The following PLEKHH2 variants were observed in gnomAD, a reference collection of about 807,000 sequenced individuals.
The protein encoded by PLEKHH2 is pleckstrin homology domain-containing family H member 2.
Under a neutral mutation model 187.9 loss-of-function variants are expected in PLEKHH2, and 129 were observed. That is an observed-to-expected ratio of 0.69 (90% CI 0.59 to 0.79). PLEKHH2 has a LOEUF of 0.79. PLEKHH2 is among the 30% of genes least tolerant of loss of function. The pLI is 0.00. For synonymous variants in PLEKHH2, 686 were observed against 605.6 expected, an observed-to-expected ratio of 1.13 and a Z score of -1.95; for missense variants, 2,076 against 1,751.2, an observed-to-expected ratio of 1.19 and a Z score of -3.31.
At chr2:43,655,877 G>A (rs1462575083) in intron 2 of PLEKHH2, among the ~76,000 whole-genome samples, 1 of 151,902 alleles carries the variant, frequency 6.6e-6, no homozygotes, top group Middle Eastern at 3.2e-3. Context: ...CACATTCTTT[G>A]TTCAGAAAAA....
At chr2:43,710,962 A>G (rs1669936171) in intron 14 of PLEKHH2, 1 of 1,006,968 alleles carries the variant, frequency 9.9e-7, no homozygotes, top group Non-Finnish European at 1.2e-6. Context: ...TTAATATAGA[A>G]TCTGAAAATG....
At position 43,765,851 on chromosome 2, in the gene PLEKHH2, A is replaced by G; in HGVS notation, c.*253A>G. ...TGAGTAAGAATTCATCATTTTTTCC[A>G]TCTCCCTTCTCCCTTGTCATCAGAC... On this transcript the variant is annotated 3_prime_UTR_variant, in exon 30 of 30. Coordinates refer to ENST00000282406, the MANE Select transcript of PLEKHH2 (RefSeq NM_172069.4). The G allele has an allele frequency of 2.8e-6, 1 of 361,296 alleles. No homozygotes were observed. The allele number at this position is 361,296 out of a possible 1,614,324, so 22.4% of individuals were successfully genotyped here.
chr2:43,757,461 C>G (rs1265949905), intron 26 of PLEKHH2, among the ~76,000 whole-genome samples, 197 bp downstream of exon 26: 1 of 150,750 alleles, frequency 6.6e-6, no homozygotes, highest in Non-Finnish European at 1.5e-5. Context: ...GCTCTGTCGC[C>G]CAGGCTGGAG....
intron 19 of PLEKHH2, among the ~76,000 whole-genome samples, chr2:43,735,207 G>A (rs1169377455): frequency 6.6e-6 from 1 of 151,932 alleles, no homozygotes; most frequent in Non-Finnish European, 1.5e-5. Flanking sequence ...AGAAAAAAAT[G>A]TAGTATATAT....
chr2:43,700,144 G>A lies in PLEKHH2; in HGVS notation c.1186G>A (p.Asp396Asn), dbSNP rs146556619. The A allele has an allele frequency of 3.1e-6, 5 of 1,614,054 alleles. No homozygotes were observed. Among genetic ancestry groups the A allele is most frequent in the East Asian group, 4.5e-5 (2 of 44,886 alleles). Residue 396 changes from aspartate (D) to asparagine (N), a missense_variant, in exon 8 of 30, where the codon GAT becomes AAT. Transcript: ENST00000282406. ...TAAAAAATTTCAATCCCAGAGACTC[G>A]ATTATTCATCTTCATCGAGTGAAGC... ...LNKKFQSQRL[D>N]YSSSSSEANT... is the part of the protein sequence containing the mutation.
At chr2:43,751,945 A>G (rs1169271004) in intron 24 of PLEKHH2, among the ~76,000 whole-genome samples, 4 of 120,780 alleles carry the variant, frequency 3.3e-5, no homozygotes, top group South Asian at 4.8e-4. Context: ...TTTTTTTGCT[A>G]GTGATACTTC....
intron 4 of PLEKHH2, among the ~76,000 whole-genome samples, chr2:43,693,579 C>CCGGG (rs1423447718): frequency 9.9e-5 from 15 of 151,992 alleles, no homozygotes; most frequent in African/African-American, 3.4e-4. Flanking sequence ...AAAAAATTAG[C>CCGGG]CGGGCGTGGT....
chr2:43,734,047 C>T (rs1437751947), intron 19 of PLEKHH2, among the ~76,000 whole-genome samples: 1 of 151,836 alleles, frequency 6.6e-6, no homozygotes, highest in Non-Finnish European at 1.5e-5. Flanking sequence ...TTAAATTGTC[C>T]CAAAGCATAG....
chr2:43,720,545 T>C, intron 15 of PLEKHH2, 124 bp from the exon 16 acceptor site: 1 of 1,463,850 alleles, frequency 6.8e-7, no homozygotes, highest in Non-Finnish European at 9.2e-7. Context: ...GACAATCTAT[T>C]TGGAATATCA....
At chr2:43,684,561 A>G (rs933005380) in intron 3 of PLEKHH2, among the ~76,000 whole-genome samples, 10 of 151,956 alleles carry the variant, frequency 6.6e-5, no homozygotes, top group African/African-American at 2.4e-4. Context: ...CCCCACCCCA[A>G]TTCCTTGGGT....
rs143270639 is a variant in PLEKHH2, at chr2:43,758,267, G to C, written c.3942-633G>C. On this transcript the variant is annotated intron_variant, in intron 26 of 29. Transcript: ENST00000282406. ...GGCTCTACTACTTGTTTTTGTTTTT[G>C]TTTAAGACAGAGTCTTGCTCTGCCA... 2.2e-3 allele frequency among the ~76,000 whole-genome samples: 342 copies of C among 152,144 alleles called. 2 individuals carry two copies. The highest frequency in any genetic ancestry group is 8.0e-3 in the African/African-American group (332 of 41,528).
intron 2 of PLEKHH2, among the ~76,000 whole-genome samples, chr2:43,677,167 T>C (rs1332031675): frequency 3.3e-5 from 5 of 152,154 alleles, no homozygotes; most frequent in African/African-American, 1.2e-4. Flanking sequence ...TCCAGTGAAC[T>C]AGTTTAAAAT....
chr2:43,724,440 C>T (rs1670639110), intron 16 of PLEKHH2, among the ~76,000 whole-genome samples: 1 of 152,150 alleles, frequency 6.6e-6, no homozygotes, highest in South Asian at 2.1e-4. Flanking sequence ...CGTGTATTTT[C>T]CTGGAATAAA....
chr2:43,641,060 T>C (rs1665890507), intron 1 of PLEKHH2, among the ~76,000 whole-genome samples: 3 of 151,550 alleles, frequency 2.0e-5, no homozygotes, highest in Non-Finnish European at 4.4e-5. Context: ...CCCAGAGTGC[T>C]GGGATTATAA....
intron 15 of PLEKHH2, among the ~76,000 whole-genome samples, chr2:43,717,166 C>T (rs751391062): frequency 5.9e-5 from 9 of 152,134 alleles, no homozygotes; most frequent in African/African-American, 9.7e-5. Context: ...GCCTGTAATC[C>T]CAGCACTTTG....
At chr2:43,694,297 A>G in intron 4 of PLEKHH2, 134 bp from the exon 5 acceptor site, 1 of 1,045,918 alleles carries the variant, frequency 9.6e-7, no homozygotes, top group South Asian at 1.8e-5. Flanking sequence ...TTAAAAACCT[A>G]TTTGGTAATT....
Position 43,697,346 on chromosome 2 carries a change from A to C in PLEKHH2, c.678A>C (p.Lys226Asn). ...SSKEPEFTEGKDMEEMEIPEK... is the reference protein window; with the variant it reads ...SSKEPEFTEGNDMEEMEIPEK... ...AAGAACCTGAGTTCACTGAAGGAAA[A>C]GACATGGAAGGTATTTATGAACTAC... Residue 226 changes from lysine to asparagine, a missense_variant, in exon 7 of 30, where the codon AAA becomes AAC. Coordinates refer to ENST00000282406, the MANE Select transcript of PLEKHH2 (RefSeq NM_172069.4). 1.8e-5 allele frequency: 29 copies of C among 1,609,050 alleles called. No individual in the cohort carries two copies. The highest frequency in any genetic ancestry group is 2.5e-5 in the Non-Finnish European group (29 of 1,177,750).
intron 3 of PLEKHH2, among the ~76,000 whole-genome samples, chr2:43,682,949 C>T (rs1175428656): frequency 6.6e-6 from 1 of 151,880 alleles, no homozygotes; most frequent in African/African-American, 2.4e-5. Flanking sequence ...TACACACACA[C>T]ACACACACAC....
intron 4 of PLEKHH2, among the ~76,000 whole-genome samples, chr2:43,693,049 T>G (rs538242719): frequency 1.2e-3 from 183 of 152,132 alleles, no homozygotes; most frequent in Middle Eastern, 0.01. Flanking sequence ...TGCCTCAGCC[T>G]CCCGAGTAGC....
Sources: gnomAD v4.1 joint callset for allele counts (sites outside exome capture counted in the v4.1 genomes callset) on GRCh38, gnomAD v4.1.1 for gene constraint, MANE v1.5 for transcripts, NCBI Gene and HGNC (gene_info 2026-07-23, HGNC 2026-07-21) for gene names.